The following GEMIN8 variants were observed in gnomAD, a reference collection of about 807,000 sequenced individuals.
GEMIN8 encodes gem-associated protein 8.
For missense variants in GEMIN8, 185 were observed against 205.9 expected, an observed-to-expected ratio of 0.90 and a Z score of 0.62; for synonymous variants, 80 against 78.5, an observed-to-expected ratio of 1.02 and a Z score of -0.10.
chrX:14,014,421 T>C (rs1003960886), intron 4 of GEMIN8: 4 of 753,426 alleles, frequency 5.3e-6, no homozygotes, highest in Non-Finnish European at 6.3e-6. Context: ...CTGAAGTTAC[T>C]GGACAACCGC....
intron 4 of GEMIN8, among the ~76,000 whole-genome samples, chrX:14,012,111 C>T (rs1923590501): frequency 9.1e-6 from 1 of 109,507 alleles, no homozygotes; most frequent in South Asian, 3.9e-4. Flanking sequence ...TTTTTCATTC[C>T]CATTCAGGCT....
chrX:14,002,667 C>G (rs1454935125), downstream of GEMIN8, among the ~76,000 whole-genome samples: 1 of 110,604 alleles, frequency 9.0e-6, no homozygotes, highest in African/African-American at 3.3e-5. Context: ...CCATGCCCAG[C>G]TAATTTTTGT....
At chrX:14,021,034 T>C (rs1243212702) in intron 3 of GEMIN8, among the ~76,000 whole-genome samples, 4 of 111,153 alleles carry the variant, frequency 3.6e-5, no homozygotes, top group Non-Finnish European at 7.6e-5. Context: ...AAGAGATGTC[T>C]AGGAATGCAC....
At position 14,021,469 on chromosome X, in the gene GEMIN8, C is replaced by T; in HGVS notation, c.10G>A (p.Val4Ile). Residue 4 changes from valine (V) to isoleucine (I), a missense_variant, in exon 3 of 5, where the codon GTA (valine) becomes ATA (isoleucine). By Grantham distance (29) the Val-to-Ile change is conservative. Transcript: ENST00000680255. The part of the protein sequence containing the change: MAA[V>I]KASTSKATRP... ...TAAAAAAATAAAAATCTTACCTTTA[C>T]CGCTGCCATCTCTGATTGTGAAAGT... The T allele has an allele frequency of 9.0e-7, 1 of 1,112,026 alleles. No individual in the cohort carries two copies. 91.6% of individuals were successfully genotyped at this position (1,112,026 alleles called of 1,213,427 possible).
At chrX:14,023,047 C>T (rs751152058) in intron 2 of GEMIN8, among the ~76,000 whole-genome samples, 1 of 112,300 alleles carries the variant, frequency 8.9e-6, no homozygotes, top group Admixed American at 9.4e-5. Flanking sequence ...AAACATAGCC[C>T]ATAGTTCCTG....
At chrX:14,029,402 G>A (rs1924866486) in intron 1 of GEMIN8, 1 of 112,142 alleles carries the variant, frequency 8.9e-6, no homozygotes, top group Admixed American at 9.4e-5. Context: ...ACCTTAACAC[G>A]GTGGTTCTCG....
chrX:14,003,482 T>A (rs1469591145), downstream of GEMIN8, among the ~76,000 whole-genome samples: 1 of 112,731 alleles, frequency 8.9e-6, no homozygotes, highest in African/African-American at 3.2e-5. Context: ...GTTTTTCTTG[T>A]TTTAAAATTT....
At chrX:14,003,949 C>T (rs146017970), downstream of GEMIN8, among the ~76,000 whole-genome samples, 1 of 111,754 alleles carries the variant, frequency 8.9e-6, no homozygotes, top group East Asian at 2.8e-4. Flanking sequence ...AACTTAGGGG[C>T]CTCCATCAAA....
the GEMIN8 span, among the ~76,000 whole-genome samples, chrX:13,991,012 G>C: frequency 8.9e-6 from 1 of 112,775 alleles, no homozygotes; most frequent in African/African-American, 3.2e-5. Flanking sequence ...GATTACAGGT[G>C]TGAGCCACTG....
intron 4 of GEMIN8, among the ~76,000 whole-genome samples, chrX:14,013,581 A>G (rs148324502): frequency 0.11 from 12,094 of 110,684 alleles, 490 homozygotes; most frequent in Admixed American, 0.16. Context: ...CCTAACTCCA[A>G]TGACAAAGTC....
chrX:14,009,000 G>A lies in GEMIN8; in HGVS notation c.642C>T (p.Ala214=). 2.5e-6 allele frequency: 3 copies of A among 1,211,398 alleles called. No homozygotes were observed. The highest frequency in any genetic ancestry group is 3.4e-6 in the Non-Finnish European group (3 of 894,860). The change falls in exon 5 of 5, where the codon GCC becomes GCT. Residue 214 remains alanine, a synonymous_variant. Coordinates refer to ENST00000680255, the MANE Select transcript of GEMIN8 (RefSeq NM_001042479.2). The part of the protein sequence containing the change: ...LYGDSAAKIQ[A]MEAAVQLSFD... Reference sequence around the variant, plus strand: ...AGCTCAGCTGCACCGCGGCCTCCATGGCTTGGATCTTGGCAGCACTGTCCC... The same window carrying A: ...AGCTCAGCTGCACCGCGGCCTCCATAGCTTGGATCTTGGCAGCACTGTCCC...
chrX:14,024,558 G>C (rs761574869), intron 2 of GEMIN8, among the ~76,000 whole-genome samples: 47 of 110,633 alleles, frequency 4.2e-4, no homozygotes, highest in Non-Finnish European at 8.1e-4. Flanking sequence ...TTTGAGGAGA[G>C]GTAACTTTGA....
chrX:14,020,787 G>A (rs1463985140), intron 3 of GEMIN8, among the ~76,000 whole-genome samples: 1 of 111,458 alleles, frequency 9.0e-6, no homozygotes, highest in Admixed American at 9.5e-5. Context: ...AAGCTATGGA[G>A]CATTATAATG....
chrX:14,026,376 AAAG>A (rs1258072010), intron 1 of GEMIN8, 155 bp from the exon 2 acceptor site: 3 of 750,315 alleles, frequency 4.0e-6, no homozygotes, highest in Non-Finnish European at 4.7e-6. Flanking sequence ...CTCAACCACC[AAAG>A]AAGGAAGGAA....
the GEMIN8 span, among the ~76,000 whole-genome samples, chrX:14,001,089 T>C: frequency 7.1e-5 from 8 of 112,101 alleles, no homozygotes; most frequent in Admixed American, 7.6e-4. Context: ...TTGAAAAATT[T>C]ACTACGAAAT....
chrX:14,024,629 A>G (rs1179401159), intron 2 of GEMIN8, among the ~76,000 whole-genome samples: 5 of 112,114 alleles, frequency 4.5e-5, no homozygotes, highest in Non-Finnish European at 3.8e-5. Context: ...TCACCCAGGT[A>G]CATCCTGAGC....
chrX:14,008,776 C>A lies in GEMIN8; in HGVS notation c.*137G>T, dbSNP rs1449419296. 1 of 593,896 alleles carries A rather than the reference C, an allele frequency of 1.7e-6. No homozygotes were observed. Among genetic ancestry groups the A allele is most frequent in the Non-Finnish European group, 2.7e-6 (1 of 366,679 alleles). The allele number at this position is 593,896 out of a possible 1,213,427, so 48.9% of individuals were successfully genotyped here. A position where few individuals can be genotyped will look rare whatever the true frequency, so the allele number is the denominator to read the frequency against. ...CTGGCATAGTACATCCACCCCGTGA[C>A]AGGCCCACTGGGACTGTGGTGAACA... On this transcript the variant is annotated 3_prime_UTR_variant, in exon 5 of 5. Coordinates refer to ENST00000680255, the MANE Select transcript of GEMIN8 (RefSeq NM_001042479.2).
At chrX:14,018,766 C>CTTTT (rs58528171) in intron 4 of GEMIN8, among the ~76,000 whole-genome samples, 19 of 91,851 alleles carry the variant, frequency 2.1e-4, no homozygotes, top group Non-Finnish European at 2.4e-4. Context: ...CTTTTCTTTT[C>CTTTT]TTTTTTTTTT....
the GEMIN8 span, among the ~76,000 whole-genome samples, chrX:13,989,020 C>T: frequency 5.5e-5 from 6 of 109,614 alleles, no homozygotes; most frequent in African/African-American, 2.0e-4. Flanking sequence ...TGAATTAATG[C>T]AAATTGTTAT....
Sources: allele counts gnomAD v4.1 joint callset (sites outside exome capture counted in the v4.1 genomes callset), GRCh38; gene constraint gnomAD v4.1.1; transcripts MANE v1.5; gene names NCBI Gene and HGNC (gene_info 2026-07-23, HGNC 2026-07-21).